The following ARHGAP24 variants were observed in gnomAD, a reference collection of about 807,000 sequenced individuals.
ARHGAP24 encodes rho GTPase-activating protein 24.
In ARHGAP24, 50 loss-of-function variants were observed where a neutral mutation model predicts 76.4. That is an observed-to-expected ratio of 0.65 (90% confidence interval 0.52 to 0.83). The LOEUF (loss-of-function observed/expected upper bound fraction) is 0.83, where lower values mean the gene tolerates loss of function less well. Ranked by LOEUF, ARHGAP24 falls within the 40% of genes least tolerant of loss-of-function variation. The probability of loss-of-function intolerance (pLI) is 0.00; values close to 1 mark genes in which losing one functional copy is unlikely to be tolerated. For missense variants in ARHGAP24, 930 were observed against 914.2 expected, an observed-to-expected ratio of 1.02 and a Z score of -0.22; for synonymous variants, 345 against 323.3, an observed-to-expected ratio of 1.07 and a Z score of -0.72.
chr4:85,803,550 T>A (rs1304527210), intron 3 of ARHGAP24, among the ~76,000 whole-genome samples: 3 of 152,214 alleles, frequency 2.0e-5, no homozygotes, highest in Admixed American at 2.0e-4. Flanking sequence ...TGTATTTGTA[T>A]CTATTTCCTT....
At chr4:85,571,406 A>C (rs1727134995) in intron 2 of ARHGAP24, among the ~76,000 whole-genome samples, 1 of 152,230 alleles carries the variant, frequency 6.6e-6, no homozygotes. Context: ...ATCATGGCTT[A>C]TCAGTTGATG....
At chr4:85,700,713 G>C (rs1724051368) in intron 2 of ARHGAP24, among the ~76,000 whole-genome samples, 2 of 152,224 alleles carry the variant, frequency 1.3e-5, no homozygotes, top group South Asian at 4.1e-4. Flanking sequence ...TTAGAAGTCT[G>C]AGCTTGAAAC....
chr4:85,624,789 G>A (rs1238702121), intron 2 of ARHGAP24, among the ~76,000 whole-genome samples: 1 of 152,040 alleles, frequency 6.6e-6, no homozygotes, highest in Non-Finnish European at 1.5e-5. Context: ...CCTTCTTCCT[G>A]GTTTAGTCTT....
chr4:85,947,907 CAATT>C (rs1737384980), intron 5 of ARHGAP24, among the ~76,000 whole-genome samples: 2 of 152,080 alleles, frequency 1.3e-5, no homozygotes, highest in Middle Eastern at 6.8e-3. Context: ...AAAACAGGAT[CAATT>C]AATTGATTAA....
intron 5 of ARHGAP24, among the ~76,000 whole-genome samples, chr4:85,943,686 A>G (rs1346505181): frequency 1.3e-5 from 2 of 151,764 alleles, no homozygotes; most frequent in African/African-American, 4.8e-5. Flanking sequence ...TGCAACTCCC[A>G]CTTATGAGTG....
chr4:85,488,276 G>C (rs1275234334), intron 1 of ARHGAP24, among the ~76,000 whole-genome samples: 1 of 151,990 alleles, frequency 6.6e-6, no homozygotes, highest in African/African-American at 2.4e-5. Context: ...GGGGAAAAGG[G>C]AGGTGTAATT....
chr4:85,858,299 G>A (rs1291965888), intron 3 of ARHGAP24, among the ~76,000 whole-genome samples: 3 of 152,182 alleles, frequency 2.0e-5, no homozygotes, highest in Admixed American at 2.0e-4. Flanking sequence ...CATGGTAGAT[G>A]CTAATGAAGA....
rs549832297 is a variant in ARHGAP24 at position 85,572,383 on chromosome 4, A to G, written c.180+1662A>G. ...GGCGATATGATAATATCTTTTTTGA[A>G]CAATTTAGGGCAGAGTTCCTCAAAC... On this transcript the variant is annotated intron_variant, in intron 2 of 9. Transcript: ENST00000395184. Among the ~76,000 whole-genome samples, 10 of 152,254 alleles carry G rather than the reference A, an allele frequency of 6.6e-5. No individual in the cohort carries two copies. In the East Asian group the frequency reaches 1.9e-3, roughly 29 times the overall value.
In ARHGAP24 at chr4:85,942,103, T is replaced by C. The variant is rs1736982757; in HGVS notation, c.429T>C (p.Tyr143=). The change falls in exon 5 of 10, where the codon TAT becomes TAC. Residue 143 remains tyrosine (Y), a synonymous_variant. Coordinates refer to ENST00000395184, the MANE Select transcript of ARHGAP24 (RefSeq NM_001025616.3). ...AGAAACTGGAGGATACTGTTCGTTA[T>C]GAGAAGAGATATGGGAACCGTCTGG... ...FGQKLEDTVR[Y]EKRYGNRLAP... is the part of the protein sequence containing the mutation. 13 of 1,613,444 alleles carry C rather than the reference T, an allele frequency of 8.1e-6. No homozygotes were observed. The highest frequency in any genetic ancestry group is 1.3e-5 in the African/African-American group (1 of 74,982).
At chr4:85,802,444 G>C (rs1728616531) in intron 3 of ARHGAP24, among the ~76,000 whole-genome samples, 1 of 152,204 alleles carries the variant, frequency 6.6e-6, no homozygotes, top group Non-Finnish European at 1.5e-5. Flanking sequence ...TTAGGCTTAA[G>C]AGCTGAACTA....
At chr4:85,746,796 T>G (rs1726058167) in intron 3 of ARHGAP24, among the ~76,000 whole-genome samples, 2 of 152,086 alleles carry the variant, frequency 1.3e-5, no homozygotes, top group South Asian at 4.1e-4. Context: ...GGATTACAGG[T>G]GCCTGCCACC....
chr4:85,616,333 A>G (rs1720536741), intron 2 of ARHGAP24, among the ~76,000 whole-genome samples: 1 of 152,232 alleles, frequency 6.6e-6, no homozygotes, highest in Non-Finnish European at 1.5e-5. Flanking sequence ...GAATTTGTCA[A>G]TTCTAGCTTT....
chr4:85,545,407 CT>C (rs1483031424), intron 1 of ARHGAP24, among the ~76,000 whole-genome samples: 1 of 152,072 alleles, frequency 6.6e-6, no homozygotes, highest in African/African-American at 2.4e-5. Flanking sequence ...GCCCAGTTTC[CT>C]TTTTTTAAAG....
intron 5 of ARHGAP24, among the ~76,000 whole-genome samples, chr4:85,961,755 T>C (rs1214332525): frequency 6.6e-6 from 1 of 152,022 alleles, no homozygotes; most frequent in East Asian, 1.9e-4. Flanking sequence ...TTTTAAATGC[T>C]GTTAGAAAAT....
chr4:85,857,953 CT>C (rs931753367), intron 3 of ARHGAP24, among the ~76,000 whole-genome samples: 47 of 152,222 alleles, frequency 3.1e-4, no homozygotes, highest in African/African-American at 1.0e-3. Context: ...AATAATTCTT[CT>C]TTTACTTAAG....
intron 3 of ARHGAP24, among the ~76,000 whole-genome samples, chr4:85,851,016 G>T (rs1467167596): frequency 6.6e-6 from 1 of 152,112 alleles, no homozygotes; most frequent in African/African-American, 2.4e-5. Flanking sequence ...TTAACCTTCT[G>T]TCTCGTTGAT....
At chr4:85,783,621 C>T (rs780017518) in intron 3 of ARHGAP24, among the ~76,000 whole-genome samples, 1 of 152,060 alleles carries the variant, frequency 6.6e-6, no homozygotes, top group Non-Finnish European at 1.5e-5. Context: ...AGCATAATTT[C>T]CTTCTGTCTG....
chr4:85,690,545 T>C (rs11938039), intron 2 of ARHGAP24, among the ~76,000 whole-genome samples: 22,874 of 152,102 alleles, frequency 0.15, 2,228 homozygotes, highest in African/African-American at 0.28. Context: ...CTTTGGAAGA[T>C]TGTGTGTTTC....
At chr4:85,838,067 C>T (rs975384499) in intron 3 of ARHGAP24, among the ~76,000 whole-genome samples, 1 of 152,144 alleles carries the variant, frequency 6.6e-6, no homozygotes, top group African/African-American at 2.4e-5. Context: ...TGTGTTATTA[C>T]TAGGTGCCAG....
Sources: gnomAD v4.1 joint callset for allele counts (sites outside exome capture counted in the v4.1 genomes callset) on GRCh38, gnomAD v4.1.1 for gene constraint, MANE v1.5 for transcripts, NCBI Gene and HGNC (gene_info 2026-07-23, HGNC 2026-07-21) for gene names.